Variants in NTRK3 observed in about 807,000 individuals in gnomAD.
NTRK3 encodes neurotrophic receptor tyrosine kinase 3.
Under a neutral mutation model 91.7 loss-of-function variants are expected in NTRK3, and 24 were observed. That is an observed-to-expected ratio of 0.26 (90% CI 0.19 to 0.37). The LOEUF (loss-of-function observed/expected upper bound fraction) is 0.37, where lower values mean the gene tolerates loss of function less well. Among genes scored for constraint, NTRK3 ranks in the 10% least tolerant of loss-of-function variants. The pLI is 1.00. For synonymous variants in NTRK3, 483 were observed against 404.0 expected, an observed-to-expected ratio of 1.20 and a Z score of -2.34; for missense variants, 880 against 1,068.9, an observed-to-expected ratio of 0.82 and a Z score of 2.46.
intron 14 of NTRK3, among the ~76,000 whole-genome samples, chr15:87,975,989 C>T (rs2073682659): frequency 6.6e-6 from 1 of 152,168 alleles, no homozygotes; most frequent in Non-Finnish European, 1.5e-5. Flanking sequence ...GCTATCCCTT[C>T]CTCCTGAGCT....
intron 3 of NTRK3, among the ~76,000 whole-genome samples, chr15:88,217,434 T>C (rs775791687): frequency 2.4e-4 from 37 of 152,110 alleles, no homozygotes; most frequent in Non-Finnish European, 4.3e-4. Context: ...AGGAAGAAAA[T>C]TCTGACAAAC....
chr15:87,878,689 G>A (rs2065066181), intron 18 of NTRK3, among the ~76,000 whole-genome samples: 1 of 152,214 alleles, frequency 6.6e-6, no homozygotes, highest in Admixed American at 6.5e-5. Flanking sequence ...CTGCTATGGT[G>A]GGTGGAGTGG....
At chr15:88,054,190 C>G (rs547074164) in intron 13 of NTRK3, among the ~76,000 whole-genome samples, 1 of 152,258 alleles carries the variant, frequency 6.6e-6, no homozygotes, top group African/African-American at 2.4e-5. Flanking sequence ...TCAGTCAATC[C>G]AAAAAATATA....
At chr15:88,228,594 G>A (rs373078054) in intron 3 of NTRK3, among the ~76,000 whole-genome samples, 1 of 152,250 alleles carries the variant, frequency 6.6e-6, no homozygotes, top group East Asian at 1.9e-4. Context: ...CCCCTGGGCA[G>A]AAACAGACCC....
At chr15:88,156,606 C>G (rs766991796) in intron 5 of NTRK3, among the ~76,000 whole-genome samples, 7 of 152,130 alleles carry the variant, frequency 4.6e-5, no homozygotes, top group Non-Finnish European at 7.3e-5. Context: ...TTCTCCCCAC[C>G]CTGCAAGCAC....
chr15:88,127,239 C>T lies in NTRK3; in HGVS notation c.1229-13G>A. 1 of 1,613,340 alleles carries T rather than the reference C, an allele frequency of 6.2e-7. No individual in the cohort carries two copies. The highest frequency in any genetic ancestry group is 8.5e-7 in the Non-Finnish European group (1 of 1,179,484). ...CTCACTTCGTCAACTGAAAACCAAACACAAAAAGGAGGAGGACAGTTAGCT... is the reference window on the plus strand; with the variant it reads ...CTCACTTCGTCAACTGAAAACCAAATACAAAAAGGAGGAGGACAGTTAGCT... On this transcript the variant is annotated splice_polypyrimidine_tract_variant and intron_variant, in intron 11 of 18. Coordinates refer to ENST00000394480, the Ensembl canonical transcript of NTRK3.
chr15:87,862,499 T>G (rs982203184), exon 19 of NTRK3: 3 of 227,594 alleles, frequency 1.3e-5, no homozygotes, highest in African/African-American at 2.2e-5. Flanking sequence ...ATCTGTCAGA[T>G]AGAAGGCAAT....
At chr15:88,077,077 G>A (rs907868972) in intron 13 of NTRK3, among the ~76,000 whole-genome samples, 1 of 152,182 alleles carries the variant, frequency 6.6e-6, no homozygotes, top group East Asian at 1.9e-4. Flanking sequence ...CAGGGTGACA[G>A]AGCTAGACTC....
rs567803228 is a variant in NTRK3 at position 87,962,368 on chromosome 15, C to A, written c.1586-21615G>T. Among the ~76,000 whole-genome samples the A allele has an allele frequency of 2.6e-5, 4 of 152,250 alleles. No individual in the cohort carries two copies. In the South Asian group the frequency reaches 8.3e-4, roughly 32 times the overall value. On this transcript the variant is annotated intron_variant, in intron 14 of 18. Coordinates refer to ENST00000394480, the Ensembl canonical transcript of NTRK3. The stretch of plus-strand genomic sequence containing the variant: ...TTTCTCCTGCCTGACCATCTTTGGC[C>A]CCATCCATGCTCACCCCTAGAAAGA...
chr15:88,254,870 C>T (rs2053844121), intron 3 of NTRK3, among the ~76,000 whole-genome samples: 1 of 152,162 alleles, frequency 6.6e-6, no homozygotes, highest in Non-Finnish European at 1.5e-5. Flanking sequence ...ACACCCTTCT[C>T]CAGGGTGGTA....
rs140335549 is a variant in NTRK3 at position 88,032,303 on chromosome 15, T to C, written c.1585+554A>G. Among the ~76,000 whole-genome samples the C allele has an allele frequency of 9.1e-3, 1,390 of 152,222 alleles. 6 individuals are homozygous for C. Among genetic ancestry groups the C allele is most frequent in the Middle Eastern group, 0.017 (5 of 294 alleles). On this transcript the variant is annotated intron_variant, in intron 14 of 18. Transcript: ENST00000394480. Reference sequence around the variant, plus strand: ...AGGGAAACAGGTGCCCTGAGCCCTCTGGTCTGAGTGAGACATCTGCAGTGG... The same window carrying C: ...AGGGAAACAGGTGCCCTGAGCCCTCCGGTCTGAGTGAGACATCTGCAGTGG...
chr15:87,964,048 G>C (rs2072558724), intron 14 of NTRK3, among the ~76,000 whole-genome samples: 1 of 152,130 alleles, frequency 6.6e-6, no homozygotes, highest in Non-Finnish European at 1.5e-5. Flanking sequence ...AGAGCTCCAA[G>C]AAACTGGGGT....
chr15:87,964,009 C>CTAG (rs1395324234), intron 14 of NTRK3, among the ~76,000 whole-genome samples: 2 of 152,064 alleles, frequency 1.3e-5, no homozygotes, highest in Non-Finnish European at 2.9e-5. Flanking sequence ...TAGTATGGAT[C>CTAG]TCTAAAACAA....
chr15:87,862,168 T>C (rs1188815844), exon 19 of NTRK3: 2 of 219,072 alleles, frequency 9.1e-6, no homozygotes, highest in Non-Finnish European at 1.8e-5. Flanking sequence ...TGCCATGGCC[T>C]TTTTTGCAGG....
intron 17 of NTRK3, chr15:87,908,710 G>T (rs1028762647): frequency 7.6e-6 from 3 of 394,902 alleles, no homozygotes. Context: ...CCTGGGCAGG[G>T]CCTCAAACAT....
chr15:88,249,177 G>A (rs974044724), intron 3 of NTRK3, among the ~76,000 whole-genome samples: 11 of 152,180 alleles, frequency 7.2e-5, no homozygotes, highest in Admixed American at 2.6e-4. Context: ...GAGGACTGGG[G>A]GCAGAGGTGA....
intron 14 of NTRK3, among the ~76,000 whole-genome samples, chr15:87,987,115 G>T (rs988136610): frequency 6.6e-6 from 1 of 152,160 alleles, no homozygotes; most frequent in South Asian, 2.1e-4. Context: ...CAACATCTGT[G>T]GTTTAATAAG....
intron 14 of NTRK3, among the ~76,000 whole-genome samples, chr15:88,004,126 C>T (rs1427046282): frequency 6.6e-6 from 1 of 152,026 alleles, no homozygotes; most frequent in African/African-American, 2.4e-5. Flanking sequence ...GCACCTGTGC[C>T]CTCCTCCACC....
At chr15:88,137,682 CA>C (rs2042006344) in intron 6 of NTRK3, 121 bp from the exon 7 acceptor site, 2 of 972,626 alleles carry the variant, frequency 2.1e-6, no homozygotes, top group East Asian at 2.6e-5. Flanking sequence ...AGGGATTTAA[CA>C]AGGTTACAAA....
Sources: allele counts gnomAD v4.1 joint callset (sites outside exome capture counted in the v4.1 genomes callset), GRCh38; gene constraint gnomAD v4.1.1; transcripts MANE v1.5; gene names NCBI Gene and HGNC (gene_info 2026-07-23, HGNC 2026-07-21).